Variants in LAMA5 observed in about 807,000 individuals in gnomAD.
LAMA5 encodes laminin subunit alpha 5.
LAMA5 carries 260 observed loss-of-function variants against 433.4 expected under a neutral mutation model. That is an observed-to-expected ratio of 0.60 (90% CI 0.54 to 0.66). The LOEUF (loss-of-function observed/expected upper bound fraction) is 0.66. Ranked by LOEUF, LAMA5 falls within the 30% of genes least tolerant of loss-of-function variation. The pLI is 0.00. For missense variants in LAMA5, 5,378 were observed against 5,258.5 expected, an observed-to-expected ratio of 1.02 and a Z score of -0.70; for synonymous variants, 2,620 against 2,226.6, an observed-to-expected ratio of 1.18 and a Z score of -4.97.
chr20:62,352,168 G>A (rs992461389), intron 4 of LAMA5, 74 bp downstream of exon 4: 61 of 1,571,724 alleles, frequency 3.9e-5, no homozygotes, highest in South Asian at 2.0e-4. Context: ...CTCCAGCCCC[G>A]CTCGGCACTG....
In LAMA5 at chr20:62,309,142, G is replaced by A. The variant is rs1985765705; in HGVS notation, c.*194C>T. ...ACAAATCTCTCACAATTAAAAATGGGTGGAAGGGCCAAATATAAAAACATT... is the reference window on the plus strand; with the variant it reads ...ACAAATCTCTCACAATTAAAAATGGATGGAAGGGCCAAATATAAAAACATT... On this transcript the variant is annotated 3_prime_UTR_variant, in exon 80 of 80. Transcript: ENST00000252999. 9.4e-6 allele frequency: 6 copies of A among 639,024 alleles called. No homozygotes were observed. Among genetic ancestry groups the A allele is most frequent in the Non-Finnish European group, 1.3e-5 (5 of 392,512 alleles). 39.6% of individuals were successfully genotyped at this position (639,024 alleles called of 1,614,324 possible).
In LAMA5 at chr20:62,345,844, T is replaced by C. The variant is rs1241197985; in HGVS notation, c.1451A>G (p.Gln484Arg). The change falls in exon 11 of 80, where the codon CAG (glutamine) becomes CGG (arginine). Residue 484 changes from glutamine (Q) to arginine (R), a missense_variant. By Grantham distance (43) the Gln-to-Arg change is conservative. Coordinates refer to ENST00000252999, the MANE Select transcript of LAMA5 (RefSeq NM_005560.6). The part of the protein sequence containing the change: ...TPSSSNDTRE[Q>R]VLPAGQIVNC... ...CACAATCTGGCCGGCTGGCAGCACC[T>C]GCTCCCTGGTGTCATTGGAGGACGA... 1.3e-6 allele frequency: 2 copies of C among 1,552,314 alleles called. No homozygotes were observed. Among genetic ancestry groups the C allele is most frequent in the Non-Finnish European group, 8.7e-7 (1 of 1,147,766 alleles).
chr20:62,328,645 G>A (rs904315379), intron 34 of LAMA5, among the ~76,000 whole-genome samples, 199 bp downstream of exon 34: 1 of 152,234 alleles, frequency 6.6e-6, no homozygotes, highest in Non-Finnish European at 1.5e-5. Context: ...GTCAGAGACT[G>A]TGGACCACCT....
At chr20:62,346,660 C>T in intron 8 of LAMA5, 22 bp downstream of exon 8, 3 of 1,610,906 alleles carry the variant, frequency 1.9e-6, no homozygotes, top group Non-Finnish European at 2.5e-6. Flanking sequence ...CAGCCCATTC[C>T]CAGCCCTCTA....
chr20:62,321,765 G>GGAGGGGCGGGGCCAGT (rs1418418215), intron 48 of LAMA5, among the ~76,000 whole-genome samples: 1 of 143,974 alleles, frequency 6.9e-6, no homozygotes, highest in Non-Finnish European at 1.5e-5. Context: ...TGGGGTCAGT[G>GGAGGGGCGGGGCCAGT]GGGGAGGAAG....
rs371595945 is a variant in LAMA5, at chr20:62,363,918, A to G, written c.298-1366T>C. ...CCCGCCCTGGTGTTTGGATTGCCCC[A>G]TCTCAGACCTTGCCCCAGACCACCC... On this transcript the variant is annotated intron_variant, in intron 1 of 79. Transcript: ENST00000252999. Among the ~76,000 whole-genome samples, 93 of 152,134 alleles carry G rather than the reference A, an allele frequency of 6.1e-4. 2 individuals are homozygous for G. Among genetic ancestry groups the G allele is most frequent in the African/African-American group, 2.1e-3 (86 of 41,514 alleles).
intron 20 of LAMA5, 98 bp downstream of exon 20, chr20:62,334,923 G>A (rs918047242): frequency 1.0e-5 from 12 of 1,176,810 alleles, no homozygotes; most frequent in African/African-American, 3.0e-5. Flanking sequence ...CGGGCTTCAT[G>A]CTGCCCAGGC....
At position 62,317,795 on chromosome 20, in the gene LAMA5, G is replaced by T; in HGVS notation, c.7240-17C>A. ...CTTCCTTTGCTGAAGGCAATGCAGG[G>T]GAGTTGGGGACAATGAGGGGTAAGA... On this transcript the variant is annotated splice_polypyrimidine_tract_variant and intron_variant, in intron 53 of 79. Coordinates refer to ENST00000252999, the MANE Select transcript of LAMA5 (RefSeq NM_005560.6). The T allele has an allele frequency of 6.6e-7, 1 of 1,520,270 alleles. No individual in the cohort carries two copies. Among genetic ancestry groups the T allele is most frequent in the East Asian group, 2.4e-5 (1 of 42,166 alleles). The allele number at this position is 1,520,270 out of a possible 1,614,324, so 94.2% of individuals were successfully genotyped here.
rs757231154 is a variant in LAMA5, at chr20:62,327,908, C to T, written c.4755G>A (p.Ala1585=). ...RPCDCHEAGT[A]PGVCDPLTGQ... is the part of the protein sequence containing the mutation. The stretch of plus-strand genomic sequence containing the variant: ...CTGTGAGGGGGTCACACACGCCAGG[C>T]GCAGTGCCCGCCTCGTGACAGTCAC... Residue 1585 remains alanine (A), a synonymous_variant, in exon 36 of 80, where the codon GCG becomes GCA. Transcript: ENST00000252999. 81 of 1,611,670 alleles carry T rather than the reference C, an allele frequency of 5.0e-5. No individual in the cohort carries two copies. The highest frequency in any genetic ancestry group is 8.3e-5 in the Admixed American group (5 of 59,962).
At position 62,313,458 on chromosome 20, in the gene LAMA5, G is replaced by C. The variant is rs558985367; in HGVS notation, c.8661C>G (p.Pro2887=). The C allele has an allele frequency of 1.2e-6, 2 of 1,603,740 alleles. No homozygotes were observed. The highest frequency in any genetic ancestry group is 3.4e-5 in the Admixed American group (2 of 59,318). The change falls in exon 64 of 80, where the codon CCC becomes CCG. Residue 2887 remains proline, a splice_region_variant and synonymous_variant. Coordinates refer to ENST00000252999, the MANE Select transcript of LAMA5 (RefSeq NM_005560.6). ...AGCCGGGGAAGCGAAGCAGGGGAGG[G>C]GGCTGTGGGCACAGGGCTGGGTCAG... The part of the protein sequence containing the change: ...YVGGYPSTFT[P]PPLLRFPGYR...
chr20:62,355,959 C>A (rs1224149010), intron 2 of LAMA5, among the ~76,000 whole-genome samples: 1 of 152,232 alleles, frequency 6.6e-6, no homozygotes, highest in Non-Finnish European at 1.5e-5. Context: ...CCCCGCTGTT[C>A]CCTGAGTGCC....
chr20:62,314,236 G>C, intron 62 of LAMA5, 68 bp downstream of exon 62: 4 of 1,554,088 alleles, frequency 2.6e-6, no homozygotes, highest in Non-Finnish European at 3.5e-6. Context: ...ACACGGAGAG[G>C]GGAGAGATGG....
chr20:62,337,542 C>A lies in LAMA5; in HGVS notation c.2164+48G>T, dbSNP rs1351657305. 4 of 1,560,814 alleles carry A rather than the reference C, an allele frequency of 2.6e-6. No individual in the cohort carries two copies. In the African/African-American group the frequency reaches 4.1e-5, roughly 16 times the overall value. The stretch of plus-strand genomic sequence containing the variant: ...CAGGCAGCGTGTGAACAGCACAGAC[C>A]CACACACAGGCCCGGCACCTGGTGC... On this transcript the variant is annotated intron_variant, in intron 16 of 79. Transcript: ENST00000252999.
chr20:62,348,669 T>C (rs772679784), intron 6 of LAMA5, among the ~76,000 whole-genome samples: 7 of 151,640 alleles, frequency 4.6e-5, no homozygotes, highest in African/African-American at 9.7e-5. Flanking sequence ...AATAACACTA[T>C]GGAAAACAGG....
Position 62,315,975 on chromosome 20 carries a change from C to A in LAMA5, c.7840G>T (p.Ala2614Ser). 2 of 1,606,496 alleles carry A rather than the reference C, an allele frequency of 1.2e-6. No homozygotes were observed. The highest frequency in any genetic ancestry group is 2.2e-5 in the South Asian group (2 of 90,236). ...KDQLEAHIQA[A>S]QAMLAMDTDE... ...GTGTCCATGGCAAGCATGGCCTGCGCCGCCTGGATGTGCGCCTCCAGCTGG... is the reference window on the plus strand; with the variant it reads ...GTGTCCATGGCAAGCATGGCCTGCGACGCCTGGATGTGCGCCTCCAGCTGG... Residue 2614 changes from alanine (A) to serine (S), a missense_variant, in exon 58 of 80, where the codon GCG (alanine) becomes TCG (serine). Physicochemically the swap from Ala to Ser is moderately conservative, Grantham distance 99. Coordinates refer to ENST00000252999, the MANE Select transcript of LAMA5 (RefSeq NM_005560.6).
At position 62,311,520 on chromosome 20, in the gene LAMA5, G is replaced by A. The variant is rs529655752; in HGVS notation, c.9823C>T (p.Arg3275Cys). 7 of 1,610,068 alleles carry A rather than the reference G, an allele frequency of 4.3e-6. No homozygotes were observed. The highest frequency in any genetic ancestry group is 1.3e-5 in the African/African-American group (1 of 75,018). Residue 3275 changes from arginine (R) to cysteine (C), a missense_variant, in exon 72 of 80, where the codon CGC (arginine) becomes TGC (cysteine). Physicochemically the swap from Arg to Cys is radical, Grantham distance 180. Transcript: ENST00000252999. The stretch of plus-strand genomic sequence containing the variant: ...AGGTTCTGCTGCAGATCAAATACGC[G>A]CTGTGGGCCCAGGAGCCTGTGCAGG... ...VFVQRLLGPQ[R>C]VFDLQQNLGS...
chr20:62,363,082 G>A (rs1465395780), intron 1 of LAMA5, among the ~76,000 whole-genome samples: 17 of 152,192 alleles, frequency 1.1e-4, no homozygotes, highest in Non-Finnish European at 7.4e-5. Context: ...GCCAGGGGGC[G>A]GAAGGGGGAG....
rs757346129 is a variant in LAMA5 at position 62,317,068 on chromosome 20, C to T, written c.7512-45G>A. On this transcript the variant is annotated intron_variant, in intron 55 of 79. Transcript: ENST00000252999. The stretch of plus-strand genomic sequence containing the variant: ...CGAAGGAGTGGGTAAGCGCAGACGC[C>T]CTCGGCCTGGCTCTCCAGCCTCCTG... 4 of 1,491,102 alleles carry T rather than the reference C, an allele frequency of 2.7e-6. No individual in the cohort carries two copies. In the South Asian group the frequency reaches 5.5e-5, roughly 20 times the overall value. The allele number at this position is 1,491,102 out of a possible 1,614,324, so 92.4% of individuals were successfully genotyped here.
At position 62,330,549 on chromosome 20, in the gene LAMA5, G is replaced by A; in HGVS notation, c.3918C>T (p.Tyr1306=). 6.3e-7 allele frequency: 1 copy of A among 1,587,202 alleles called. No individual in the cohort carries two copies. Among genetic ancestry groups the A allele is most frequent in the African/African-American group, 1.3e-5 (1 of 74,862 alleles). ...LGRYAFLLHG[Y]QPAHPTFPVE... ...CGGGGAAGGTGGGGTGGGCTGGCTG[G>A]TAGCCGTGCAGCAGGAAGGCATAGC... Residue 1306 remains tyrosine (Y), a synonymous_variant, in exon 31 of 80, where the codon TAC becomes TAT. Coordinates refer to ENST00000252999, the MANE Select transcript of LAMA5 (RefSeq NM_005560.6).
Sources: gnomAD v4.1 joint callset for allele counts (sites outside exome capture counted in the v4.1 genomes callset) on GRCh38, gnomAD v4.1.1 for gene constraint, MANE v1.5 for transcripts, NCBI Gene and HGNC (gene_info 2026-07-23, HGNC 2026-07-21) for gene names.